The following ST6GALNAC3 variants were observed in gnomAD, a reference collection of about 807,000 sequenced individuals.
ST6GALNAC3 encodes ST6 N-acetylgalactosaminide alpha-2,6-sialyltransferase 3, also known as alpha-N-acetylgalactosaminide alpha-2,6-sialyltransferase 3.
A neutral mutation model predicts 32.7 loss-of-function variants in ST6GALNAC3; 25 were observed. The observed-to-expected ratio is 0.76, with a 90% CI of 0.56 to 1.07. ST6GALNAC3 has a LOEUF of 1.07. Ranked by LOEUF, ST6GALNAC3 falls within the 50% of genes least tolerant of loss-of-function variation. The pLI, the probability that ST6GALNAC3 is intolerant of heterozygous loss-of-function variation, is 0.00. For missense variants in ST6GALNAC3, 355 were observed against 382.4 expected (o/e 0.93, Z 0.60); for synonymous variants, 129 against 133.1 (o/e 0.97, Z 0.21).
intron 1 of ST6GALNAC3, among the ~76,000 whole-genome samples, chr1:76,239,573 A>G (rs543858570): frequency 6.6e-6 from 1 of 152,184 alleles, no homozygotes; most frequent in South Asian, 2.1e-4. Flanking sequence ...AGAAGATGCC[A>G]GACTCTTTAA....
chr1:76,101,455 C>T (rs1647223899), intron 1 of ST6GALNAC3, among the ~76,000 whole-genome samples: 1 of 152,158 alleles, frequency 6.6e-6, no homozygotes, highest in African/African-American at 2.4e-5. Flanking sequence ...CTTATAAGTA[C>T]AGTTTCTGTA....
intron 3 of ST6GALNAC3, among the ~76,000 whole-genome samples, chr1:76,512,090 T>C (rs1391930134): frequency 1.3e-5 from 2 of 152,314 alleles, no homozygotes; most frequent in East Asian, 3.9e-4. Context: ...TTCCTGACAT[T>C]AATCTCTTCT....
chr1:76,359,168 C>T (rs1649730981), intron 2 of ST6GALNAC3, among the ~76,000 whole-genome samples: 1 of 152,112 alleles, frequency 6.6e-6, no homozygotes, highest in African/African-American at 2.4e-5. Flanking sequence ...ATCCTGAAGA[C>T]AGTGGGGAAC....
chr1:76,606,175 A>G (rs1647533461), intron 3 of ST6GALNAC3, among the ~76,000 whole-genome samples: 1 of 152,148 alleles, frequency 6.6e-6, no homozygotes, highest in South Asian at 2.1e-4. Flanking sequence ...TCAAAGACCT[A>G]GAACCAGAAA....
At chr1:76,528,068 C>A (rs910740788) in intron 3 of ST6GALNAC3, among the ~76,000 whole-genome samples, 4 of 152,106 alleles carry the variant, frequency 2.6e-5, no homozygotes, top group Admixed American at 6.6e-5. Flanking sequence ...TTAACACAGA[C>A]CACAACATAT....
Position 76,633,824 on chromosome 1 carries a change from T to C in ST6GALNAC3, c.*5018T>C, listed in dbSNP as rs1432459682. On this transcript the variant is annotated 3_prime_UTR_variant, in exon 5 of 5. Coordinates refer to ENST00000328299, the MANE Select transcript of ST6GALNAC3 (RefSeq NM_152996.4). ...AGGATTTTTTTTTCTCTACAGTCCA[T>C]TTATATGATACTGTTAGAAGTGAAG... The C allele has an allele frequency of 6.6e-6, 1 of 152,216 alleles. No homozygotes were observed. The highest frequency in any genetic ancestry group is 2.4e-5 in the African/African-American group (1 of 41,454). 9.4% of individuals were successfully genotyped at this position (152,216 alleles called of 1,614,324 possible). A position where few individuals can be genotyped will look rare whatever the true frequency, so the allele number is the denominator to read the frequency against.
At chr1:76,256,900 T>C (rs1657955262) in intron 1 of ST6GALNAC3, among the ~76,000 whole-genome samples, 1 of 152,138 alleles carries the variant, frequency 6.6e-6, no homozygotes. Context: ...TTGGATACCC[T>C]GTCCACATTC....
At chr1:76,208,907 T>C (rs1191050069) in intron 1 of ST6GALNAC3, among the ~76,000 whole-genome samples, 1 of 152,232 alleles carries the variant, frequency 6.6e-6, no homozygotes, top group Non-Finnish European at 1.5e-5. Flanking sequence ...TCTCTCTTGC[T>C]CTCAAGCTCG....
At chr1:76,357,220 C>T (rs1314539404) in intron 2 of ST6GALNAC3, among the ~76,000 whole-genome samples, 3 of 143,544 alleles carry the variant, frequency 2.1e-5, no homozygotes, top group Non-Finnish European at 4.5e-5. Flanking sequence ...CTGCAACCTC[C>T]GCCTCCTGGG....
At chr1:76,473,878 C>T (rs1659186249) in intron 3 of ST6GALNAC3, among the ~76,000 whole-genome samples, 2 of 152,098 alleles carry the variant, frequency 1.3e-5, no homozygotes, top group Admixed American at 6.6e-5. Context: ...AGTGTGACTT[C>T]TGTGCCTAAA....
At chr1:76,260,302 T>C (rs904152333) in intron 1 of ST6GALNAC3, among the ~76,000 whole-genome samples, 3 of 152,216 alleles carry the variant, frequency 2.0e-5, no homozygotes, top group African/African-American at 2.4e-5. Context: ...ACTAGTACCT[T>C]CCTGGCAGCC....
At chr1:76,101,425 G>A (rs1000324462) in intron 1 of ST6GALNAC3, among the ~76,000 whole-genome samples, 6 of 152,068 alleles carry the variant, frequency 3.9e-5, no homozygotes, top group African/African-American at 1.4e-4. Context: ...AGGCCAGCTT[G>A]GTTGCTCCAA....
intron 3 of ST6GALNAC3, among the ~76,000 whole-genome samples, chr1:76,616,273 TCTC>T (rs1648287550): frequency 6.6e-6 from 1 of 152,192 alleles, no homozygotes; most frequent in South Asian, 2.1e-4. Context: ...GGAAGAATTT[TCTC>T]CTTTCAAACT....
At chr1:76,482,359 G>A (rs7536778) in intron 3 of ST6GALNAC3, among the ~76,000 whole-genome samples, 36,988 of 152,008 alleles carry the variant, frequency 0.24, 5,957 homozygotes, top group African/African-American at 0.46. Context: ...TCACATACCC[G>A]TATTAAGTGG....
At chr1:76,200,015 A>G (rs1489602250) in intron 1 of ST6GALNAC3, among the ~76,000 whole-genome samples, 1 of 152,202 alleles carries the variant, frequency 6.6e-6, no homozygotes, top group East Asian at 1.9e-4. Flanking sequence ...ATGTGGGTGG[A>G]CAAAATTAAA....
chr1:76,631,068 G>T lies in ST6GALNAC3; in HGVS notation c.*2262G>T. 1 of 977,194 alleles carries T rather than the reference G, an allele frequency of 1.0e-6. No homozygotes were observed. Among genetic ancestry groups the T allele is most frequent in the Non-Finnish European group, 1.2e-6 (1 of 822,586 alleles). 60.5% of individuals were successfully genotyped at this position (977,194 alleles called of 1,614,324 possible). ...GAAAACTTGCTTGCTCTCCTGCCTC[G>T]TTGTAGCTTTCTCTGATGAAGACTT... On this transcript the variant is annotated 3_prime_UTR_variant, in exon 5 of 5. Coordinates refer to ENST00000328299, the MANE Select transcript of ST6GALNAC3 (RefSeq NM_152996.4).
At chr1:76,297,207 TC>T (rs1402512060) in intron 1 of ST6GALNAC3, among the ~76,000 whole-genome samples, 1 of 152,044 alleles carries the variant, frequency 6.6e-6, no homozygotes, top group African/African-American at 2.4e-5. Flanking sequence ...ATCTCTCCTG[TC>T]TCTAAATCAT....
intron 2 of ST6GALNAC3, among the ~76,000 whole-genome samples, chr1:76,396,967 C>T (rs1026925112): frequency 2.6e-5 from 4 of 152,064 alleles, no homozygotes; most frequent in South Asian, 2.1e-4. Flanking sequence ...GTTATAGGGA[C>T]GAAGCATTTT....
intron 3 of ST6GALNAC3, among the ~76,000 whole-genome samples, chr1:76,564,496 T>A (rs993820341): frequency 3.1e-4 from 47 of 151,948 alleles, no homozygotes; most frequent in African/African-American, 1.1e-3. Context: ...GCTAAATTAG[T>A]GGTGGATTCA....
Sources: allele counts gnomAD v4.1 joint callset (sites outside exome capture counted in the v4.1 genomes callset), GRCh38; gene constraint gnomAD v4.1.1; transcripts MANE v1.5; gene names NCBI Gene and HGNC (gene_info 2026-07-23, HGNC 2026-07-21).